The following SH3RF3 variants were observed in gnomAD, a reference collection of about 807,000 sequenced individuals.
SH3RF3 encodes SH3 domain containing ring finger 3.
Under a neutral mutation model 66.3 loss-of-function variants are expected in SH3RF3, and 29 were observed. The observed-to-expected ratio is 0.44, with a 90% CI of 0.33 to 0.60. The LOEUF (loss-of-function observed/expected upper bound fraction) is 0.60. SH3RF3 is among the 20% of genes least tolerant of loss of function. The pLI is 0.04. For synonymous variants in SH3RF3, 583 were observed against 532.0 expected, an observed-to-expected ratio of 1.10 and a Z score of -1.32; for missense variants, 1,194 against 1,190.9, an observed-to-expected ratio of 1.00 and a Z score of -0.04.
Position 109,436,833 on chromosome 2 carries a change from C to T in SH3RF3, c.1575-60C>T. The T allele has an allele frequency of 1.3e-6, 2 of 1,569,558 alleles. 1 individual carries two copies. Among genetic ancestry groups the T allele is most frequent in the South Asian group, 2.4e-5 (2 of 84,726 alleles). On this transcript the variant is annotated intron_variant, in intron 6 of 9. Transcript: ENST00000309415. ...GTCAGAGCGAGGCTCTGCCAGAGGC[C>T]CACATGGCACGAATGCCTCTGAGCC...
intron 8 of SH3RF3, among the ~76,000 whole-genome samples, chr2:109,479,938 GC>G (rs1186674730): frequency 6.6e-6 from 1 of 152,092 alleles, no homozygotes; most frequent in Non-Finnish European, 1.5e-5. Flanking sequence ...GCCCGGTTTT[GC>G]TGACAGCCCC....
At chr2:109,338,262 C>T (rs1404968549) in intron 1 of SH3RF3, among the ~76,000 whole-genome samples, 17 of 152,206 alleles carry the variant, frequency 1.1e-4, no homozygotes, top group Admixed American at 8.5e-4. Context: ...ATACTTAGCA[C>T]GCTTGTTTTG....
chr2:109,174,154 G>T (rs1231368673), intron 1 of SH3RF3, among the ~76,000 whole-genome samples: 1 of 152,246 alleles, frequency 6.6e-6, no homozygotes, highest in East Asian at 1.9e-4. Context: ...CCAACCAGAG[G>T]CTCCAGGATG....
At position 109,136,844 on chromosome 2, in the gene SH3RF3, G is replaced by A. The variant is rs557080823; in HGVS notation, c.573+6731G>A. ...GAGAATTTAGAAGCATGCTTGCACC[G>A]GGGCACCTGTAAATGTGCTGCAGCC... On this transcript the variant is annotated intron_variant, in intron 1 of 9. Transcript: ENST00000309415. 9.7e-4 allele frequency among the ~76,000 whole-genome samples: 148 copies of A among 152,204 alleles called. 1 individual carries two copies. In the South Asian group the frequency reaches 0.013, roughly 14 times the overall value.
Position 109,129,873 on chromosome 2 carries a change from C to G in SH3RF3, c.333C>G (p.Asn111Lys). 6.6e-7 allele frequency: 1 copy of G among 1,523,716 alleles called. No homozygotes were observed. The highest frequency in any genetic ancestry group is 8.8e-7 in the Non-Finnish European group (1 of 1,140,762). 94.4% of individuals were successfully genotyped at this position (1,523,716 alleles called of 1,614,324 possible). Residue 111 changes from asparagine to lysine, a missense_variant, in exon 1 of 10, where the codon AAC (asparagine) becomes AAG (lysine). Asn to Lys is a moderately conservative substitution (Grantham distance 94, BLOSUM62 0). Transcript: ENST00000309415. ...GCGGCGTGGACGAACTGCCCGCCAACATCTTGCTGGTGCGACTGCTGGACG... is the reference window on the plus strand; with the variant it reads ...GCGGCGTGGACGAACTGCCCGCCAAGATCTTGCTGGTGCGACTGCTGGACG... The part of the protein sequence containing the change: ...VGCGVDELPA[N>K]ILLVRLLDGI...
In SH3RF3 at chr2:109,160,658, G is replaced by A. The variant is rs376743781; in HGVS notation, c.573+30545G>A. Among the ~76,000 whole-genome samples the A allele has an allele frequency of 6.6e-5, 10 of 152,322 alleles. No individual in the cohort carries two copies. The East Asian group carries it at 1.9e-3, about 29-fold the overall frequency. ...CCACCAGGTCCCAGAACTCAACAATGGTGGGGCTGGGGTTCAAAGCCAAGA... is the reference window on the plus strand; with the variant it reads ...CCACCAGGTCCCAGAACTCAACAATAGTGGGGCTGGGGTTCAAAGCCAAGA... On this transcript the variant is annotated intron_variant, in intron 1 of 9. Transcript: ENST00000309415.
At position 109,365,185 on chromosome 2, in the gene SH3RF3, C is replaced by A. The variant is rs558924684; in HGVS notation, c.850-6401C>A. ...CACAGTGGTTCCTCTTCCCCTCCCC[C>A]TGCCAGAAGCACGAGTGGATTTTTC... On this transcript the variant is annotated intron_variant, in intron 2 of 9. Transcript: ENST00000309415. Among the ~76,000 whole-genome samples the A allele has an allele frequency of 2.6e-5, 4 of 152,326 alleles. No individual in the cohort carries two copies. The East Asian group carries it at 7.7e-4, about 29-fold the overall frequency.
chr2:109,161,543 C>T (rs1427394374), intron 1 of SH3RF3, among the ~76,000 whole-genome samples: 1 of 151,746 alleles, frequency 6.6e-6, no homozygotes, highest in South Asian at 2.1e-4. Context: ...CTTAGTCTAG[C>T]ACCTACCTAA....
At chr2:109,239,610 C>T (rs796109705) in intron 1 of SH3RF3, among the ~76,000 whole-genome samples, 9 of 152,128 alleles carry the variant, frequency 5.9e-5, no homozygotes, top group African/African-American at 2.2e-4. Context: ...CAGAGCCAGG[C>T]GTGATCATCC....
intron 7 of SH3RF3, among the ~76,000 whole-genome samples, chr2:109,439,711 C>G (rs1384999659): frequency 1.3e-5 from 2 of 152,098 alleles, no homozygotes; most frequent in Non-Finnish European, 2.9e-5. Flanking sequence ...AAGAGCCCAG[C>G]ATAGCCATGA....
At chr2:109,165,855 G>T (rs1462026638) in intron 1 of SH3RF3, among the ~76,000 whole-genome samples, 1 of 152,208 alleles carries the variant, frequency 6.6e-6, no homozygotes, top group African/African-American at 2.4e-5. Context: ...TAGACATTCA[G>T]TGCTCTACGT....
At chr2:109,449,546 T>G in intron 8 of SH3RF3, 57 bp downstream of exon 8, 1 of 1,571,130 alleles carries the variant, frequency 6.4e-7, no homozygotes, top group Middle Eastern at 1.7e-4. Flanking sequence ...TACTGTAACT[T>G]TTTGGCACTA....
At chr2:109,177,452 G>C (rs1443524860) in intron 1 of SH3RF3, among the ~76,000 whole-genome samples, 2 of 152,204 alleles carry the variant, frequency 1.3e-5, no homozygotes, top group Non-Finnish European at 2.9e-5. Context: ...TGATCTGCCA[G>C]AGGGTTCATG....
chr2:109,468,778 T>C (rs13399562), intron 8 of SH3RF3, among the ~76,000 whole-genome samples: 14,757 of 144,430 alleles, frequency 0.1, 1,791 homozygotes, highest in African/African-American at 0.3. Flanking sequence ...CGCTTGAGCC[T>C]GGGAGGTGGA....
chr2:109,429,788 T>A, intron 5 of SH3RF3, among the ~76,000 whole-genome samples: 1 of 152,216 alleles, frequency 6.6e-6, no homozygotes, highest in East Asian at 1.9e-4. Flanking sequence ...CAGACAGCCC[T>A]GGGGAGGAAG....
rs1042964222 is a variant in SH3RF3, at chr2:109,215,125, G to A, written c.573+85012G>A. Among the ~76,000 whole-genome samples the A allele has an allele frequency of 4.1e-4, 62 of 152,198 alleles. 1 individual carries two copies. Among genetic ancestry groups the A allele is most frequent in the Admixed American group, 2.6e-4 (4 of 15,276 alleles). ...ACCTCCATACACATCACAATTGACC[G>A]TGTTAAGCATCTACGTGTCTTTCTG... On this transcript the variant is annotated intron_variant, in intron 1 of 9. Coordinates refer to ENST00000309415, the MANE Select transcript of SH3RF3 (RefSeq NM_001099289.3).
intron 1 of SH3RF3, among the ~76,000 whole-genome samples, chr2:109,151,900 G>GA (rs1159147886): frequency 6.6e-6 from 1 of 152,224 alleles, no homozygotes; most frequent in Non-Finnish European, 1.5e-5. Flanking sequence ...AGGACTGCAG[G>GA]AATTTTTGGT....
At chr2:109,135,998 GAC>G (rs1276440663) in intron 1 of SH3RF3, among the ~76,000 whole-genome samples, 1 of 152,168 alleles carries the variant, frequency 6.6e-6, no homozygotes, top group Non-Finnish European at 1.5e-5. Flanking sequence ...TCATCCGTAG[GAC>G]ACAATAGCTT....
At chr2:109,345,866 G>A (rs1438732515) in intron 1 of SH3RF3, among the ~76,000 whole-genome samples, 2 of 152,196 alleles carry the variant, frequency 1.3e-5, no homozygotes. Flanking sequence ...GGGCATTGCA[G>A]GGTGTTTGGC....
Sources: gnomAD v4.1 joint callset for allele counts (sites outside exome capture counted in the v4.1 genomes callset) on GRCh38, gnomAD v4.1.1 for gene constraint, MANE v1.5 for transcripts, NCBI Gene and HGNC (gene_info 2026-07-23, HGNC 2026-07-21) for gene names.